MKLN1: variants seen among roughly 807,000 people sequenced by gnomAD.
The protein encoded by MKLN1 is muskelin 1.
Under a neutral mutation model 99.0 loss-of-function variants are expected in MKLN1, and 18 were observed. The ratio of observed to expected loss-of-function variants is 0.18; its 90% CI spans 0.13 to 0.27. The LOEUF is 0.27. Ranked by LOEUF, MKLN1 falls within the 10% of genes least tolerant of loss-of-function variation. The pLI is 1.00. For synonymous variants in MKLN1, 288 were observed against 293.2 expected (o/e 0.98, Z 0.18); for missense variants, 621 against 875.9 (o/e 0.71, Z 3.67).
chr7:131,137,144 C>T (rs916404078), intron 1 of MKLN1, among the ~76,000 whole-genome samples: 2 of 152,170 alleles, frequency 1.3e-5, no homozygotes, highest in African/African-American at 4.8e-5. Flanking sequence ...CGAGCCATCA[C>T]ACTTGGCCCT....
intron 3 of MKLN1, among the ~76,000 whole-genome samples, chr7:131,256,435 A>G (rs566231334): frequency 1.3e-5 from 2 of 152,372 alleles, no homozygotes; most frequent in African/African-American, 4.8e-5. Flanking sequence ...CTATATATGC[A>G]TAATCTTTCT....
At chr7:131,179,583 G>A (rs1000757433) in intron 2 of MKLN1, among the ~76,000 whole-genome samples, 26 of 120,316 alleles carry the variant, frequency 2.2e-4, no homozygotes, top group Non-Finnish European at 4.1e-4. Flanking sequence ...TTATTTTGTT[G>A]TTGTTGTTTT....
intron 12 of MKLN1, among the ~76,000 whole-genome samples, chr7:131,453,112 C>G (rs910485052): frequency 6.6e-6 from 1 of 152,110 alleles, no homozygotes; most frequent in South Asian, 2.1e-4. Context: ...CCCCTTCTAC[C>G]CTCCCAGGGG....
intron 2 of MKLN1, among the ~76,000 whole-genome samples, chr7:131,152,707 C>T (rs769225093): frequency 2.6e-5 from 4 of 151,694 alleles, no homozygotes; most frequent in African/African-American, 4.8e-5. Flanking sequence ...ACCATGTTGG[C>T]CAGGGTGCTC....
intron 1 of MKLN1, among the ~76,000 whole-genome samples, chr7:131,337,260 A>G (rs991128196): frequency 1.3e-5 from 2 of 152,130 alleles, no homozygotes; most frequent in Admixed American, 6.6e-5. Context: ...ATGACTGATC[A>G]GCTGTGAAAA....
intron 12 of MKLN1, among the ~76,000 whole-genome samples, chr7:131,462,440 T>C (rs1227015752): frequency 1.3e-5 from 2 of 152,254 alleles, no homozygotes; most frequent in Non-Finnish European, 2.9e-5. Context: ...AAATTTTTTT[T>C]CCCAGGTCAA....
intron 3 of MKLN1, among the ~76,000 whole-genome samples, chr7:131,263,481 T>C (rs1797764833): frequency 1.3e-5 from 2 of 151,740 alleles, no homozygotes; most frequent in African/African-American, 2.4e-5. Context: ...CCCATGATTA[T>C]GCCAGTGCAC....
chr7:131,231,932 A>C (rs1464153949), intron 3 of MKLN1, among the ~76,000 whole-genome samples: 1 of 152,246 alleles, frequency 6.6e-6, no homozygotes, highest in Non-Finnish European at 1.5e-5. Flanking sequence ...TACCTAGCCA[A>C]ATATTATTAC....
At chr7:131,352,246 T>G (rs1563306540) in intron 1 of MKLN1, among the ~76,000 whole-genome samples, 2 of 152,246 alleles carry the variant, frequency 1.3e-5, no homozygotes, top group Non-Finnish European at 2.9e-5. Context: ...GGCTCTCTCC[T>G]GTGTTCCTTT....
chr7:131,232,670 G>T (rs1393002308), intron 3 of MKLN1, among the ~76,000 whole-genome samples: 1 of 152,106 alleles, frequency 6.6e-6, no homozygotes, highest in African/African-American at 2.4e-5. Context: ...TTGTTAAAAT[G>T]AAAAACTGTA....
At chr7:131,193,824 C>T (rs1438953824) in intron 2 of MKLN1, among the ~76,000 whole-genome samples, 1 of 151,852 alleles carries the variant, frequency 6.6e-6, no homozygotes, top group East Asian at 1.9e-4. Flanking sequence ...GATGTGGTTT[C>T]CTTATGTTGT....
At chr7:131,191,925 G>T (rs1253386097) in intron 2 of MKLN1, among the ~76,000 whole-genome samples, 2 of 146,896 alleles carry the variant, frequency 1.4e-5, no homozygotes, top group Non-Finnish European at 3.0e-5. Flanking sequence ...TCACCATGTT[G>T]CCCAGGGTGG....
Position 131,486,482 on chromosome 7 carries a change from T to C in MKLN1, c.2087-1125T>C, listed in dbSNP as rs545909821. On this transcript the variant is annotated intron_variant, in intron 17 of 17. Coordinates refer to ENST00000352689, the MANE Select transcript of MKLN1 (RefSeq NM_013255.5). ...TTCTTGAGGTATTGTTTATTTTCCT[T>C]CCAGGAAACTGGTATCCTTGGCAAT... Among the ~76,000 whole-genome samples, 25 of 152,250 alleles carry C rather than the reference T, an allele frequency of 1.6e-4. No individual in the cohort carries two copies. In the South Asian group the frequency reaches 5.2e-3, roughly 32 times the overall value.
chr7:131,201,269 C>T (rs1291316953), intron 2 of MKLN1, among the ~76,000 whole-genome samples: 1 of 152,202 alleles, frequency 6.6e-6, no homozygotes, highest in Non-Finnish European at 1.5e-5. Flanking sequence ...ATCCACCTGC[C>T]TCGGCCTCCC....
chr7:131,170,475 G>A (rs1437244785), intron 2 of MKLN1, among the ~76,000 whole-genome samples: 1 of 152,204 alleles, frequency 6.6e-6, no homozygotes, highest in Non-Finnish European at 1.5e-5. Flanking sequence ...AAGGCCTTTT[G>A]AATTGCTGTG....
chr7:131,325,638 A>G (rs1798868875), upstream of MKLN1, among the ~76,000 whole-genome samples: 1 of 152,040 alleles, frequency 6.6e-6, no homozygotes, highest in South Asian at 2.1e-4. Context: ...TCAAGGCTGC[A>G]GTGAGTCATG....
chr7:131,471,500 T>C (rs1796819766), intron 16 of MKLN1: 1 of 152,452 alleles, frequency 6.6e-6, no homozygotes, highest in Non-Finnish European at 1.5e-5. Context: ...ATCATTACTT[T>C]TCAGTTTTTT....
intron 8 of MKLN1, among the ~76,000 whole-genome samples, chr7:131,424,044 A>G (rs941092585): frequency 2.4e-4 from 37 of 152,188 alleles, no homozygotes; most frequent in Admixed American, 4.6e-4. Context: ...AAAGGTAAAG[A>G]GCATATAAAA....
chr7:131,458,990 G>C (rs772472458), intron 12 of MKLN1, among the ~76,000 whole-genome samples: 2 of 152,148 alleles, frequency 1.3e-5, no homozygotes, highest in Admixed American at 6.5e-5. Flanking sequence ...ATAACAAATT[G>C]ATTTAATCAA....
Sources: gnomAD v4.1 joint callset for allele counts (sites outside exome capture counted in the v4.1 genomes callset) on GRCh38, gnomAD v4.1.1 for gene constraint, MANE v1.5 for transcripts, NCBI Gene and HGNC (gene_info 2026-07-23, HGNC 2026-07-21) for gene names.